PPL: variants seen among roughly 807,000 people sequenced by gnomAD.
PPL encodes the protein periplakin.
Under a neutral mutation model 194.4 loss-of-function variants are expected in PPL, and 198 were observed. The observed-to-expected ratio is 1.02, with a 90% confidence interval of 0.91 to 1.15. The LOEUF (loss-of-function observed/expected upper bound fraction) is 1.15, where lower values mean the gene tolerates loss of function less well. PPL is among the 50% of genes most tolerant of loss of function. The pLI is 0.00. For synonymous variants in PPL, 1,220 were observed against 972.4 expected (o/e 1.25, Z -4.74); for missense variants, 2,885 against 2,294.8 (o/e 1.26, Z -5.25).
In PPL at chr16:4,887,918, G is replaced by A. The variant is rs532695509; in HGVS notation, c.2514+184C>T. Among the ~76,000 whole-genome samples, 14 of 152,292 alleles carry A rather than the reference G, an allele frequency of 9.2e-5. No individual in the cohort carries two copies. The East Asian group carries it at 2.7e-3, about 29-fold the overall frequency. ...GCCTTGCTGTCTTTCTAGGCATATT[G>A]ATGTCACTGCCCTAGAACAAGTTCC... On this transcript the variant is annotated intron_variant, in intron 20 of 21. Coordinates refer to ENST00000345988, the MANE Select transcript of PPL (RefSeq NM_002705.5).
intron 14 of PPL, chr16:4,892,834 C>A (rs1228756201): frequency 5.4e-6 from 1 of 183,904 alleles, no homozygotes; most frequent in African/African-American, 2.3e-5. Context: ...CTCGCCACTG[C>A]CCTGTGAGCA....
At position 4,899,349 on chromosome 16, in the gene PPL, C is replaced by T. The variant is rs142998039; in HGVS notation, c.642G>A (p.Ser214=). Residue 214 remains serine (S), a synonymous_variant, in exon 7 of 22, where the codon TCG becomes TCA. Coordinates refer to ENST00000345988, the MANE Select transcript of PPL (RefSeq NM_002705.5). ...TGCAGCGCTGCATGTAGTCCTGCAG[C>T]GAACTCAGGTGCTGCTGCCGGGCCT... The part of the protein sequence containing the change: ...ASQARQQHLS[S]LQDYMQRCTN... The T allele has an allele frequency of 1.1e-4, 173 of 1,611,370 alleles. 3 individuals carry two copies. The South Asian group carries it at 1.2e-3, about 11-fold the overall frequency.
At chr16:4,906,747 T>C (rs2088693505) in intron 2 of PPL, among the ~76,000 whole-genome samples, 1 of 152,162 alleles carries the variant, frequency 6.6e-6, no homozygotes, top group South Asian at 2.1e-4. Flanking sequence ...AACTGATCGA[T>C]GGTGAGAGAG....
At chr16:4,888,349 T>G (rs2088252650) in intron 19 of PPL, 131 bp from the exon 20 acceptor site, 2 of 653,438 alleles carry the variant, frequency 3.1e-6, no homozygotes, top group Non-Finnish European at 5.5e-6. Context: ...TGCGTGGGTC[T>G]TCCTCACAGC....
chr16:4,890,794 C>A lies in PPL; in HGVS notation c.2096G>T (p.Arg699Leu), dbSNP rs777693434. ...CAGCTTGTGCACCTCGGCCTCCTGG[C>A]GCTCCAGGTCCGGACAGTGCTCCTG... ...RFQEHCPDLE[R>L]QEAEVHKLGQ... is the part of the protein sequence containing the mutation. The change falls in exon 17 of 22, where the codon CGC becomes CTC. Residue 699 changes from arginine to leucine, a missense_variant. Coordinates refer to ENST00000345988, the MANE Select transcript of PPL (RefSeq NM_002705.5). 6 of 1,606,180 alleles carry A rather than the reference C, an allele frequency of 3.7e-6. No individual in the cohort carries two copies. The highest frequency in any genetic ancestry group is 1.1e-5 in the South Asian group (1 of 89,806).
At chr16:4,935,625 A>G (rs1040054973) in intron 1 of PPL, among the ~76,000 whole-genome samples, 2 of 152,124 alleles carry the variant, frequency 1.3e-5, no homozygotes, top group African/African-American at 2.4e-5. Flanking sequence ...TGAGCTTGAA[A>G]GAGCCCAAAC....
Position 4,924,434 on chromosome 16 carries a change from C to T in PPL, c.62+12550G>A, listed in dbSNP as rs540541836. ...ACCCGGACCTGCTTTGCTCTAAGCC[C>T]GCAGTGACCACAGTCTCTCAGTTCT... is the stretch of plus-strand genomic sequence containing the variant. On this transcript the variant is annotated intron_variant, in intron 1 of 21. Coordinates refer to ENST00000345988, the MANE Select transcript of PPL (RefSeq NM_002705.5). Among the ~76,000 whole-genome samples, 13 of 152,268 alleles carry T rather than the reference C, an allele frequency of 8.5e-5. No individual in the cohort carries two copies. The South Asian group carries it at 2.5e-3, about 29-fold the overall frequency.
chr16:4,897,499 G>A (rs973521029), intron 9 of PPL, among the ~76,000 whole-genome samples, 176 bp downstream of exon 9: 2 of 152,130 alleles, frequency 1.3e-5, no homozygotes, highest in Non-Finnish European at 2.9e-5. Context: ...GGGCCGGCAA[G>A]CTTGGGACAT....
rs769340030 is a variant in PPL, at chr16:4,890,890, G to A, written c.2000C>T (p.Ser667Phe). Reference sequence around the variant, plus strand: ...GTTCTGCTCCACCTCACCCAGGAGGGACTTCTGGGCCTGTAACTCACAGGC... The same window carrying A: ...GTTCTGCTCCACCTCACCCAGGAGGAACTTCTGGGCCTGTAACTCACAGGC... ...AMACELQAQKSLLGEVEQNLQ... is the reference protein window; with the variant it reads ...AMACELQAQKFLLGEVEQNLQ... Residue 667 changes from serine (S) to phenylalanine (F), a missense_variant, in exon 17 of 22, where the codon TCC becomes TTC. Physicochemically the swap from Ser to Phe is radical, Grantham distance 155. Transcript: ENST00000345988. 5.8e-6 allele frequency: 9 copies of A among 1,539,892 alleles called. No individual in the cohort carries two copies. In the East Asian group the frequency reaches 1.2e-4, roughly 21 times the overall value.
At position 4,885,013 on chromosome 16, in the gene PPL, A is replaced by G. The variant is rs758093794; in HGVS notation, c.3642T>C (p.Ser1214=). ...GAEEQLRSYQ[S]ELEALRRRGP... Reference sequence around the variant, plus strand: ...CTCGCCTCCTGAGGGCCTCCAGCTCACTCTGGTAGCTCCGGAGCTGCTCCT... The same window carrying G: ...CTCGCCTCCTGAGGGCCTCCAGCTCGCTCTGGTAGCTCCGGAGCTGCTCCT... Residue 1214 remains serine (S), a synonymous_variant, in exon 22 of 22, where the codon AGT becomes AGC. Coordinates refer to ENST00000345988, the MANE Select transcript of PPL (RefSeq NM_002705.5). This position sits in a 1 kb window ranked among gnomAD's most constrained non-coding sequence, Gnocchi z 6.3. 4 of 1,612,728 alleles carry G rather than the reference A, an allele frequency of 2.5e-6. No homozygotes were observed. The highest frequency in any genetic ancestry group is 2.7e-5 in the African/African-American group (2 of 74,522).
At chr16:4,903,821 G>T in intron 3 of PPL, 65 bp downstream of exon 3, 1 of 1,586,474 alleles carries the variant, frequency 6.3e-7, no homozygotes. Flanking sequence ...ATGCTGAACA[G>T]GACCCCCCGC....
chr16:4,891,899 A>G lies in PPL; in HGVS notation c.1880T>C (p.Leu627Ser). Residue 627 changes from leucine (L) to serine (S), a missense_variant, in exon 16 of 22, where the codon TTG (leucine) becomes TCG (serine). Physicochemically the swap from Leu to Ser is moderately radical, Grantham distance 145 (BLOSUM62 -2). Transcript: ENST00000345988. The part of the protein sequence containing the change: ...LEKSLQQSWE[L>S]LATHENHLNQ... ...CAGATGGTTCTCGTGTGTGGCCAGCAACTCCCAGCTCTGCTGCAGGCTCTT... is the reference window on the plus strand; with the variant it reads ...CAGATGGTTCTCGTGTGTGGCCAGCGACTCCCAGCTCTGCTGCAGGCTCTT... 1.2e-6 allele frequency: 2 copies of G among 1,613,548 alleles called. No homozygotes were observed. Among genetic ancestry groups the G allele is most frequent in the Non-Finnish European group, 1.7e-6 (2 of 1,180,000 alleles).
In PPL at chr16:4,890,797, T is replaced by C. The variant is rs771345473; in HGVS notation, c.2093A>G (p.Glu698Gly). 5.0e-6 allele frequency: 8 copies of C among 1,605,770 alleles called. No homozygotes were observed. In the East Asian group the frequency reaches 1.6e-4, roughly 32 times the overall value. The change falls in exon 17 of 22, where the codon GAG (glutamate) becomes GGG (glycine). Residue 698 changes from glutamate to glycine, a missense_variant. Glu to Gly is a moderately conservative substitution (Grantham distance 98). Coordinates refer to ENST00000345988, the MANE Select transcript of PPL (RefSeq NM_002705.5). ...CTTGTGCACCTCGGCCTCCTGGCGC[T>C]CCAGGTCCGGACAGTGCTCCTGGAA... is the stretch of plus-strand genomic sequence containing the variant. ...SRFQEHCPDL[E>G]RQEAEVHKLG...
chr16:4,897,911 C>G lies in PPL; in HGVS notation c.877-141G>C, dbSNP rs187044411. ...CTGGGTGTGGCTACCACAGGGGTAG[C>G]CAGCTTCTGCTCAGGAGTGGGAGGA... On this transcript the variant is annotated intron_variant, in intron 8 of 21. Coordinates refer to ENST00000345988, the MANE Select transcript of PPL (RefSeq NM_002705.5). 2,437 of 644,200 alleles carry G rather than the reference C, an allele frequency of 3.8e-3. 12 individuals carry two copies. The highest frequency in any genetic ancestry group is 0.014 in the Middle Eastern group (32 of 2,334). 39.9% of individuals were successfully genotyped at this position (644,200 alleles called of 1,614,324 possible). A position where few individuals can be genotyped will look rare whatever the true frequency, so the allele number is the denominator to read the frequency against.
intron 1 of PPL, among the ~76,000 whole-genome samples, chr16:4,929,809 C>T (rs1235404769): frequency 6.6e-6 from 1 of 151,996 alleles, no homozygotes; most frequent in Non-Finnish European, 1.5e-5. Flanking sequence ...TCTCAGCCTC[C>T]TGAGTAGCTA....
chr16:4,893,514 C>T, intron 13 of PPL, 27 bp downstream of exon 13: 1 of 1,609,860 alleles, frequency 6.2e-7, no homozygotes, highest in African/African-American at 1.3e-5. Context: ...ACCCCCAGAG[C>T]CTCAGGCGAG....
chr16:4,920,059 G>A (rs1045410712), intron 1 of PPL, among the ~76,000 whole-genome samples: 5 of 152,016 alleles, frequency 3.3e-5, no homozygotes, highest in Non-Finnish European at 7.4e-5. Context: ...GCCGAGGCAG[G>A]TGGATCACGA....
Position 4,885,345 on chromosome 16 carries a change from CCTT to C in PPL, c.3307_3309del (p.Lys1103del), listed in dbSNP as rs770877965. The stretch of plus-strand genomic sequence containing the variant: ...ATCTTGCCCTCGGCCATGGCCCGCT[CCTT>C]CTCTAGCCTCTTGAGCTTGTCCTGG... On this transcript the variant is annotated inframe_deletion, in exon 22 of 22. Coordinates refer to ENST00000345988, the MANE Select transcript of PPL (RefSeq NM_002705.5). The surrounding 1 kb of genome is among the most constrained non-coding windows in gnomAD (Gnocchi z 6.3). The C allele has an allele frequency of 1.1e-5, 18 of 1,612,900 alleles. No homozygotes were observed. Among genetic ancestry groups the C allele is most frequent in the South Asian group, 9.9e-5 (9 of 91,070 alleles).
intron 1 of PPL, among the ~76,000 whole-genome samples, chr16:4,920,371 G>GCAAGAAAGAAA: frequency 1.1e-5 from 1 of 94,234 alleles, no homozygotes. Flanking sequence ...AAGAAAGAAA[G>GCAAGAAAGAAA]GACACCTCGG....
Sources: allele counts gnomAD v4.1 joint callset (sites outside exome capture counted in the v4.1 genomes callset), GRCh38; gene constraint gnomAD v4.1.1; non-coding constraint Gnocchi (gnomAD v3.1); transcripts MANE v1.5; gene names NCBI Gene and HGNC (gene_info 2026-07-23, HGNC 2026-07-21).